The following CSMD3 variants were observed in gnomAD, a reference collection of about 807,000 sequenced individuals.
CSMD3 encodes CUB and Sushi multiple domains 3.
A neutral mutation model predicts 435.2 loss-of-function variants in CSMD3; 177 were observed. The ratio of observed to expected loss-of-function variants is 0.41; its 90% confidence interval spans 0.36 to 0.46. The LOEUF (loss-of-function observed/expected upper bound fraction) is 0.46. CSMD3 is among the 20% of genes least tolerant of loss of function. CSMD3 has a pLI of 0.34. For synonymous variants in CSMD3, 1,656 were observed against 1,520.5 expected (o/e 1.09, Z -2.07); for missense variants, 4,265 against 4,504.6 (o/e 0.95, Z 1.52).
chr8:112,449,380 C>T (rs776962656), intron 32 of CSMD3, among the ~76,000 whole-genome samples: 30 of 152,026 alleles, frequency 2.0e-4, no homozygotes, highest in African/African-American at 1.4e-4. Flanking sequence ...ACCATTTTAC[C>T]GCCAAAATAG....
chr8:113,373,430 A>G (rs1464605651), intron 1 of CSMD3, among the ~76,000 whole-genome samples: 1 of 152,096 alleles, frequency 6.6e-6, no homozygotes, highest in African/African-American at 2.4e-5. Context: ...GCTCGCTCAC[A>G]ATATTTTTCC....
At chr8:112,884,892 T>C (rs554172990) in intron 10 of CSMD3, among the ~76,000 whole-genome samples, 5 of 151,918 alleles carry the variant, frequency 3.3e-5, no homozygotes, top group Non-Finnish European at 5.9e-5. Flanking sequence ...ATAAATTAAA[T>C]ACCTTTTTTT....
Position 112,921,643 on chromosome 8 carries a change from G to A in CSMD3, c.1617C>T (p.His539=). ...AAACATTACCTTTACACACAGGCCTGTGATCACTCCAAGCAGCAAAAACTT... is the reference window on the plus strand; with the variant it reads ...AAACATTACCTTTACACACAGGCCTATGATCACTCCAAGCAGCAAAAACTT... The part of the protein sequence containing the change: ...IAEVFAAWSD[H]RPVCKVKTCG... The change falls in exon 10 of 71, where the codon CAC becomes CAT. Residue 539 remains histidine (H), a synonymous_variant. Coordinates refer to ENST00000297405, the MANE Select transcript of CSMD3 (RefSeq NM_198123.2). 1 of 1,612,718 alleles carries A rather than the reference G, an allele frequency of 6.2e-7. No homozygotes were observed. Among genetic ancestry groups the A allele is most frequent in the Middle Eastern group, 1.7e-4 (1 of 6,052 alleles).
intron 22 of CSMD3, among the ~76,000 whole-genome samples, chr8:112,618,171 A>G (rs1833799582): frequency 1.3e-5 from 2 of 152,120 alleles, no homozygotes; most frequent in South Asian, 4.1e-4. Context: ...ATACAGTAAG[A>G]TTTAGTGTGA....
intron 5 of CSMD3, among the ~76,000 whole-genome samples, chr8:113,072,700 A>G (rs2089177708): frequency 6.6e-6 from 1 of 151,652 alleles, no homozygotes. Flanking sequence ...TATACTCTTC[A>G]TTTCATTTAA....
At chr8:112,892,621 T>G (rs1285298584) in intron 10 of CSMD3, among the ~76,000 whole-genome samples, 1 of 151,508 alleles carries the variant, frequency 6.6e-6, no homozygotes, top group African/African-American at 2.4e-5. Context: ...GCCAGCACTT[T>G]TGTACTTACT....
At chr8:112,265,818 C>A (rs970312653) in intron 59 of CSMD3, among the ~76,000 whole-genome samples, 1 of 151,894 alleles carries the variant, frequency 6.6e-6, no homozygotes, top group Non-Finnish European at 1.5e-5. Context: ...GTCACTTAGC[C>A]CCTGAAAAGG....
chr8:113,000,625 G>GA (rs2085827034), intron 6 of CSMD3, among the ~76,000 whole-genome samples: 1 of 151,840 alleles, frequency 6.6e-6, no homozygotes, highest in Admixed American at 6.6e-5. Context: ...AACTAAATTT[G>GA]AAAAAATTAC....
intron 32 of CSMD3, among the ~76,000 whole-genome samples, chr8:112,415,809 G>T (rs554623191): frequency 6.6e-6 from 1 of 152,156 alleles, no homozygotes; most frequent in Non-Finnish European, 1.5e-5. Context: ...AAGGCTTAAT[G>T]ACTGCTCTAT....
intron 4 of CSMD3, among the ~76,000 whole-genome samples, chr8:113,171,716 T>C (rs191041162): frequency 1.4e-4 from 22 of 152,316 alleles, no homozygotes; most frequent in Non-Finnish European, 2.5e-4. Flanking sequence ...CAGACCTTGC[T>C]TCTTTACCAC....
chr8:113,238,428 T>G (rs2093174712), intron 3 of CSMD3, among the ~76,000 whole-genome samples: 1 of 152,100 alleles, frequency 6.6e-6, no homozygotes, highest in Admixed American at 6.6e-5. Flanking sequence ...ACCATTTCCA[T>G]TTGACAAATT....
Position 113,228,032 on chromosome 8 carries a change from A to G in CSMD3, c.514+50560T>C, listed in dbSNP as rs565502135. On this transcript the variant is annotated intron_variant, in intron 3 of 70. Transcript: ENST00000297405. The stretch of plus-strand genomic sequence containing the variant: ...TTTTTTAAATTTCACCTCTCTTACA[A>G]CAATAAATTGGGGTTATCATGTTAT... Among the ~76,000 whole-genome samples the G allele has an allele frequency of 1.7e-4, 26 of 151,618 alleles. No homozygotes were observed. In the South Asian group the frequency reaches 5.4e-3, roughly 31 times the overall value.
intron 1 of CSMD3, among the ~76,000 whole-genome samples, chr8:113,321,141 C>T (rs2093946784): frequency 1.3e-5 from 2 of 152,068 alleles, no homozygotes; most frequent in African/African-American, 4.8e-5. Flanking sequence ...TACTCAGGTC[C>T]CCACATTGCT....
chr8:112,273,246 A>G (rs1817690042), intron 59 of CSMD3, among the ~76,000 whole-genome samples: 1 of 151,678 alleles, frequency 6.6e-6, no homozygotes, highest in Non-Finnish European at 1.5e-5. Flanking sequence ...AGATTGAGTT[A>G]TTTATCCATA....
chr8:113,261,612 A>C (rs1025584158), intron 3 of CSMD3, among the ~76,000 whole-genome samples: 3 of 152,050 alleles, frequency 2.0e-5, no homozygotes. Context: ...TCAAGCTGAA[A>C]ATTATTTACC....
chr8:112,739,177 T>C (rs1676494509), intron 13 of CSMD3, among the ~76,000 whole-genome samples: 1 of 151,808 alleles, frequency 6.6e-6, no homozygotes, highest in South Asian at 2.1e-4. Context: ...TAAAAAATAA[T>C]AGAATTTGAA....
chr8:113,008,520 T>C (rs1223025357), intron 6 of CSMD3, among the ~76,000 whole-genome samples: 1 of 151,842 alleles, frequency 6.6e-6, no homozygotes. Context: ...CTAGTATAAC[T>C]GAGAAACTGA....
intron 1 of CSMD3, among the ~76,000 whole-genome samples, chr8:113,354,574 C>A (rs556025751): frequency 5.3e-4 from 80 of 152,256 alleles, no homozygotes; most frequent in South Asian, 3.7e-3. Context: ...GGGAGCTATT[C>A]AGCAATGTCA....
At chr8:113,259,748 G>A (rs1175758684) in intron 3 of CSMD3, among the ~76,000 whole-genome samples, 1 of 152,124 alleles carries the variant, frequency 6.6e-6, no homozygotes, top group East Asian at 1.9e-4. Flanking sequence ...TAAAAATGGA[G>A]AATATTTTAA....
Sources: allele counts gnomAD v4.1 joint callset (sites outside exome capture counted in the v4.1 genomes callset), GRCh38; gene constraint gnomAD v4.1.1; transcripts MANE v1.5; gene names NCBI Gene and HGNC (gene_info 2026-07-23, HGNC 2026-07-21).